The following IRAK3 variants were observed in gnomAD, a reference collection of about 807,000 sequenced individuals.
The protein encoded by IRAK3 is interleukin-1 receptor-associated kinase 3.
IRAK3 carries 57 observed loss-of-function variants against 56.6 expected under a neutral mutation model. That is an observed-to-expected ratio of 1.01 (90% confidence interval 0.81 to 1.26). The LOEUF is 1.26. IRAK3 is among the 50% of genes most tolerant of loss of function. The pLI is 0.00. For synonymous variants in IRAK3, 258 were observed against 255.7 expected (o/e 1.01, Z -0.09); for missense variants, 703 against 719.0 (o/e 0.98, Z 0.25).
intron 1 of IRAK3, among the ~76,000 whole-genome samples, chr12:66,193,167 C>T (rs2052415546): frequency 6.6e-6 from 1 of 151,908 alleles, no homozygotes; most frequent in Admixed American, 6.6e-5. Context: ...ACCACCATGC[C>T]CGGCTTAATT....
At position 66,251,682 on chromosome 12, in the gene IRAK3, G is replaced by A. The variant is rs989305241; in HGVS notation, c.*3511G>A. The A allele has an allele frequency of 2.6e-5, 4 of 152,176 alleles. No homozygotes were observed. Among genetic ancestry groups the A allele is most frequent in the African/African-American group, 9.7e-5 (4 of 41,432 alleles). 9.4% of individuals were successfully genotyped at this position (152,176 alleles called of 1,614,324 possible). On this transcript the variant is annotated 3_prime_UTR_variant, in exon 12 of 12. Coordinates refer to ENST00000261233, the MANE Select transcript of IRAK3 (RefSeq NM_007199.3). ...GCATAATATTGTAGTTTTATAGGGT[G>A]GCACATCACCCTGTGTAAAACAACT...
At chr12:66,197,238 TTTTAAC>T in intron 1 of IRAK3, 3 of 1,217,900 alleles carry the variant, frequency 2.5e-6, no homozygotes, top group Non-Finnish European at 1.0e-6. Flanking sequence ...TTTAGAATGC[TTTTAAC>T]TTTATCAACA....
rs1373762674 is a variant in IRAK3, at chr12:66,189,430, TG to T, written c.133+1del. On this transcript the variant is annotated frameshift_variant and splice_region_variant, in exon 1 of 12. Transcript: ENST00000261233. LOFTEE classifies it high-confidence loss of function. ...GACGGCGCGCTGGGCTGGCGCGGCC[TG>T]GGTGAGTCGGCGGGGACCGGCCGGG... ...SCDGALGWRGLAERLSSSWLD... is the reference protein window; with the variant it reads ...SCDGALGWRGXAERLSSSWLD... 1 of 1,301,064 alleles carries T rather than the reference TG, an allele frequency of 7.7e-7. No homozygotes were observed. Among genetic ancestry groups the T allele is most frequent in the South Asian group, 2.0e-5 (1 of 48,986 alleles). The allele number at this position is 1,301,064 out of a possible 1,614,324, so 80.6% of individuals were successfully genotyped here.
chr12:66,215,829 CTT>C (rs1281881906), intron 5 of IRAK3, among the ~76,000 whole-genome samples: 4 of 151,064 alleles, frequency 2.6e-5, no homozygotes, highest in South Asian at 2.1e-4. Context: ...CACACACACA[CTT>C]ATCAGGAAAA....
chr12:66,234,416 A>G (rs1335742448), intron 8 of IRAK3: 10 of 1,611,034 alleles, frequency 6.2e-6, no homozygotes, highest in South Asian at 5.5e-5. Flanking sequence ...TACAGGAGAT[A>G]CAATATAGGG....
chr12:66,237,171 T>C (rs1303993586), intron 8 of IRAK3, among the ~76,000 whole-genome samples: 1 of 152,114 alleles, frequency 6.6e-6, no homozygotes, highest in Non-Finnish European at 1.5e-5. Context: ...GTGACAGTGC[T>C]CCACCTTCTC....
intron 6 of IRAK3, among the ~76,000 whole-genome samples, chr12:66,225,227 C>T (rs549897530): frequency 3.3e-5 from 5 of 152,140 alleles, no homozygotes; most frequent in South Asian, 2.1e-4. Context: ...AGGTATACAC[C>T]GACTGTGAAA....
At chr12:66,206,429 T>C (rs1309779512) in intron 2 of IRAK3, among the ~76,000 whole-genome samples, 2 of 152,198 alleles carry the variant, frequency 1.3e-5, no homozygotes, top group Non-Finnish European at 2.9e-5. Flanking sequence ...GCTTTTATCA[T>C]GATAGGGTGT....
chr12:66,195,417 A>C (rs531703818), intron 1 of IRAK3, among the ~76,000 whole-genome samples: 1 of 152,294 alleles, frequency 6.6e-6, no homozygotes, highest in South Asian at 2.1e-4. Flanking sequence ...CCTGTAAAGC[A>C]TATGCTATCA....
At chr12:66,193,623 C>A (rs374460063) in intron 1 of IRAK3, among the ~76,000 whole-genome samples, 1 of 68,312 alleles carries the variant, frequency 1.5e-5, no homozygotes, top group South Asian at 3.6e-4. Flanking sequence ...CTCAGACTTT[C>A]CTCGTTTTGA....
Position 66,253,324 on chromosome 12 carries a change from A to C in IRAK3, c.*5153A>C, listed in dbSNP as rs530221867. On this transcript the variant is annotated 3_prime_UTR_variant, in exon 12 of 12. Coordinates refer to ENST00000261233, the MANE Select transcript of IRAK3 (RefSeq NM_007199.3). The stretch of plus-strand genomic sequence containing the variant: ...AGATTAGTCGTTGTATGTGTTGCTT[A>C]TAAATTTTCTCTATGGTGGAAAATA... The C allele has an allele frequency of 2.1e-3, 325 of 152,342 alleles. 1 individual carries two copies. The highest frequency in any genetic ancestry group is 7.5e-3 in the African/African-American group (313 of 41,584). The allele number at this position is 152,342 out of a possible 1,614,324, so 9.4% of individuals were successfully genotyped here.
intron 4 of IRAK3, 53 bp from the exon 5 acceptor site, chr12:66,211,393 A>G: frequency 7.3e-7 from 1 of 1,371,632 alleles, no homozygotes; most frequent in Non-Finnish European, 1.0e-6. Context: ...TTTGGTTATA[A>G]TGGTGATGTT....
chr12:66,234,417 C>T (rs1377203131), intron 8 of IRAK3: 2 of 1,610,760 alleles, frequency 1.2e-6, no homozygotes, highest in South Asian at 1.1e-5. Flanking sequence ...ACAGGAGATA[C>T]AATATAGGGT....
intron 8 of IRAK3, chr12:66,234,452 C>A (rs2052880600): frequency 6.2e-7 from 1 of 1,611,154 alleles, no homozygotes; most frequent in Non-Finnish European, 8.5e-7. Context: ...AGTGATCATT[C>A]GGTTTGTAGC....
intron 6 of IRAK3, among the ~76,000 whole-genome samples, chr12:66,220,514 C>CTTTTTT (rs1555203808): frequency 1.8e-4 from 12 of 67,308 alleles, no homozygotes; most frequent in African/African-American, 6.6e-4. Context: ...GTTCTTCTTT[C>CTTTTTT]TTTTTTTTTT....
rs1310102217 is a variant in IRAK3 at position 66,245,024 on chromosome 12, T to C, written c.1149+14T>C. 1 of 1,613,848 alleles carries C rather than the reference T, an allele frequency of 6.2e-7. No homozygotes were observed. The highest frequency in any genetic ancestry group is 8.5e-7 in the Non-Finnish European group (1 of 1,179,852). ...CATATCCAGCTGGTAAGAATTGTTT[T>C]CATCCTGGCACCTATCTCTTGGTCA... is the stretch of plus-strand genomic sequence containing the variant. On this transcript the variant is annotated intron_variant, in intron 10 of 11. Transcript: ENST00000261233.
At chr12:66,226,331 T>A (rs1565807106) in intron 6 of IRAK3, among the ~76,000 whole-genome samples, 1 of 151,918 alleles carries the variant, frequency 6.6e-6, no homozygotes, top group Non-Finnish European at 1.5e-5. Flanking sequence ...AACCTCCGCC[T>A]TCCGGTTCAA....
intron 4 of IRAK3, 71 bp from the exon 5 acceptor site, chr12:66,211,375 A>G (rs1415534909): frequency 1.9e-5 from 22 of 1,174,644 alleles, no homozygotes; most frequent in Non-Finnish European, 2.5e-5. Flanking sequence ...TGTTTCTAAT[A>G]TAGAAATTTT....
chr12:66,235,290 C>A (rs888950918), intron 8 of IRAK3: 347 of 1,347,708 alleles, frequency 2.6e-4, no homozygotes, highest in Non-Finnish European at 3.1e-4. Context: ...AAGATCATCG[C>A]TGCGGGCCGC....
Sources: gnomAD v4.1 joint callset for allele counts (sites outside exome capture counted in the v4.1 genomes callset) on GRCh38, gnomAD v4.1.1 for gene constraint, MANE v1.5 for transcripts, NCBI Gene and HGNC (gene_info 2026-07-23, HGNC 2026-07-21) for gene names.